TASOR: variants seen among roughly 807,000 people sequenced by gnomAD.
TASOR encodes the protein protein TASOR.
TASOR carries 53 observed loss-of-function variants against 178.6 expected under a neutral mutation model. That is an observed-to-expected ratio of 0.30 (90% CI 0.24 to 0.37). The LOEUF is 0.37. TASOR is among the 10% of genes least tolerant of loss of function. The pLI is 1.00. For synonymous variants in TASOR, 713 were observed against 696.2 expected (o/e 1.02, Z -0.38); for missense variants, 1,815 against 1,971.4 (o/e 0.92, Z 1.50).
chr3:56,677,044 T>C (rs555143927), intron 1 of TASOR, among the ~76,000 whole-genome samples: 100 of 152,356 alleles, frequency 6.6e-4, no homozygotes, highest in Admixed American at 1.8e-3. Flanking sequence ...CCTGCAACTA[T>C]TTTTAAGGAT....
At position 56,653,530 on chromosome 3, in the gene TASOR, C is replaced by G. The variant is rs1372655304; in HGVS notation, c.1369-4473G>C. Among the ~76,000 whole-genome samples the G allele has an allele frequency of 2.0e-5, 3 of 151,666 alleles. No individual in the cohort carries two copies. In the East Asian group the frequency reaches 5.8e-4, roughly 29 times the overall value. On this transcript the variant is annotated intron_variant, in intron 11 of 23. Transcript: ENST00000683822. ...GAACAATTAGACTGAGAGCTAACCCCTAAACAAAAATAGAAGCCATAAGAC... is the reference window on the plus strand; with the variant it reads ...GAACAATTAGACTGAGAGCTAACCCGTAAACAAAAATAGAAGCCATAAGAC...
intron 1 of TASOR, among the ~76,000 whole-genome samples, chr3:56,675,388 G>A (rs2031196110): frequency 6.6e-6 from 1 of 150,572 alleles, no homozygotes; most frequent in Non-Finnish European, 1.5e-5. Context: ...TGTTGGCCAG[G>A]CTGGTCTCGA....
rs1320871657 is a variant in TASOR, at chr3:56,683,227, G to T, written c.-221C>A. The T allele has an allele frequency of 2.1e-6, 1 of 486,626 alleles. No individual in the cohort carries two copies. Among genetic ancestry groups the T allele is most frequent in the Non-Finnish European group, 3.6e-6 (1 of 279,442 alleles). The allele number at this position is 486,626 out of a possible 1,614,324, so 30.1% of individuals were successfully genotyped here. A position where few individuals can be genotyped will look rare whatever the true frequency, so the allele number is the denominator to read the frequency against. The stretch of plus-strand genomic sequence containing the variant: ...GTCCTCGGAGCCGCTCCTCCCTCGG[G>T]CAGTTCTTCTGCCTTCCCCCGCCAC... On this transcript the variant is annotated 5_prime_UTR_variant, in exon 1 of 24. Transcript: ENST00000683822.
At chr3:56,663,436 T>G in intron 8 of TASOR, 105 bp downstream of exon 8, 2 of 661,576 alleles carry the variant, frequency 3.0e-6, no homozygotes, top group South Asian at 6.2e-5. Flanking sequence ...CTTTTCATAC[T>G]TTGCAGATTT....
chr3:56,671,511 T>A, intron 3 of TASOR, 89 bp downstream of exon 3: 1 of 884,894 alleles, frequency 1.1e-6, no homozygotes, highest in South Asian at 1.8e-5. Context: ...AAGTCTGTAA[T>A]TGTAAAGAAT....
At position 56,650,131 on chromosome 3, in the gene TASOR, G is replaced by A. The variant is rs1481434644; in HGVS notation, c.1369-1074C>T. 1.4e-4 allele frequency among the ~76,000 whole-genome samples: 21 copies of A among 152,100 alleles called. 1 individual carries two copies. Among genetic ancestry groups the A allele is most frequent in the Admixed American group, 1.4e-3 (21 of 15,282 alleles). On this transcript the variant is annotated intron_variant, in intron 11 of 23. Coordinates refer to ENST00000683822, the MANE Select transcript of TASOR (RefSeq NM_001365635.2). ...TACTGCAATAGTTCACAATGTTTTG[G>A]GTAAATGAGAAACTGAGCATGGCAA... is the stretch of plus-strand genomic sequence containing the variant.
chr3:56,668,801 G>A (rs1163841286), intron 5 of TASOR, among the ~76,000 whole-genome samples: 1 of 151,892 alleles, frequency 6.6e-6, no homozygotes, highest in Non-Finnish European at 1.5e-5. Context: ...TGGCGAAACC[G>A]TCTCTACTAA....
intron 11 of TASOR, among the ~76,000 whole-genome samples, chr3:56,654,441 G>T (rs1292195646): frequency 2.0e-5 from 3 of 152,116 alleles, no homozygotes; most frequent in Non-Finnish European, 4.4e-5. Context: ...TGCAGGGGTA[G>T]TTTAATATTG....
At position 56,633,350 on chromosome 3, in the gene TASOR, A is replaced by G. The variant is rs578016278; in HGVS notation, c.3441T>C (p.Ser1147=). ...AAGCCGAAGTGGAATGCTGCTCATC[A>G]GAGTTGGTATCTTTCAAAGGATCAC... ...LCSDPLKDTN[S]DEQHSTSALT... Residue 1147 remains serine (S), a synonymous_variant, in exon 18 of 24, where the codon TCT becomes TCC. Coordinates refer to ENST00000683822, the MANE Select transcript of TASOR (RefSeq NM_001365635.2). 2 of 1,614,168 alleles carry G rather than the reference A, an allele frequency of 1.2e-6. No individual in the cohort carries two copies. Among genetic ancestry groups the G allele is most frequent in the African/African-American group, 2.7e-5 (2 of 75,036 alleles).
At chr3:56,662,607 A>G in intron 8 of TASOR, 117 bp from the exon 9 acceptor site, 1 of 172,218 alleles carries the variant, frequency 5.8e-6, no homozygotes, top group African/African-American at 2.5e-5. Flanking sequence ...GTAGGAGGGC[A>G]AAAAAAAAAA....
chr3:56,668,607 C>G (rs2030308198), intron 5 of TASOR, 49 bp from the exon 6 acceptor site: 6 of 1,252,290 alleles, frequency 4.8e-6, no homozygotes, highest in Non-Finnish European at 6.6e-6. Context: ...TAATTGTTGA[C>G]TATATAACAT....
chr3:56,676,359 T>C (rs2031296853), intron 1 of TASOR, among the ~76,000 whole-genome samples: 2 of 152,192 alleles, frequency 1.3e-5, no homozygotes, highest in African/African-American at 2.4e-5. Context: ...GAAACACAAA[T>C]GAAAGCTCAG....
At chr3:56,655,646 G>A (rs906682463) in intron 11 of TASOR, among the ~76,000 whole-genome samples, 1 of 152,000 alleles carries the variant, frequency 6.6e-6, no homozygotes, top group Admixed American at 6.6e-5. Flanking sequence ...AACTAGCTGG[G>A]CATGGTGGTA....
At chr3:56,635,077 G>C (rs997512349) in intron 17 of TASOR, among the ~76,000 whole-genome samples, 1 of 152,148 alleles carries the variant, frequency 6.6e-6, no homozygotes, top group African/African-American at 2.4e-5. Flanking sequence ...CCAGGTACAG[G>C]TAGTTTTCAA....
chr3:56,662,601 G>T (rs1295805777), intron 8 of TASOR, 111 bp from the exon 9 acceptor site: 3 of 502,814 alleles, frequency 6.0e-6, no homozygotes, highest in Non-Finnish European at 1.1e-5. Context: ...GTTTAAGTAG[G>T]AGGGCAAAAA....
Position 56,627,176 on chromosome 3 carries a change from T to C in TASOR, c.4031-31A>G, listed in dbSNP as rs1407376914. On this transcript the variant is annotated intron_variant, in intron 20 of 23. Transcript: ENST00000683822. ...AGAGATAATGAAGTTTGTTTTTAAT[T>C]CAATAAATAATCATTCCATAAGTGA... 15 of 1,256,426 alleles carry C rather than the reference T, an allele frequency of 1.2e-5. No individual in the cohort carries two copies. The Admixed American group carries it at 2.4e-4, about 20-fold the overall frequency. The allele number at this position is 1,256,426 out of a possible 1,614,324, so 77.8% of individuals were successfully genotyped here. A position where few individuals can be genotyped will look rare whatever the true frequency, so the allele number is the denominator to read the frequency against.
At chr3:56,638,801 T>C (rs1267429361) in intron 16 of TASOR, 36 bp from the exon 17 acceptor site, 18 of 1,602,468 alleles carry the variant, frequency 1.1e-5, no homozygotes, top group South Asian at 5.5e-5. Flanking sequence ...TCTTCAGACA[T>C]TAGTGATACC....
chr3:56,676,453 T>C (rs746604751), intron 1 of TASOR, among the ~76,000 whole-genome samples: 115 of 152,176 alleles, frequency 7.6e-4, no homozygotes, highest in Non-Finnish European at 1.0e-3. Context: ...TTTGTGATAA[T>C]TGTCCCCAAT....
intron 11 of TASOR, among the ~76,000 whole-genome samples, chr3:56,650,057 G>C (rs1272156015): frequency 1.3e-5 from 2 of 152,222 alleles, no homozygotes; most frequent in African/African-American, 2.4e-5. Flanking sequence ...TGACAGCACA[G>C]TGCAGGACGC....
Sources: allele counts gnomAD v4.1 joint callset (sites outside exome capture counted in the v4.1 genomes callset), GRCh38; gene constraint gnomAD v4.1.1; transcripts MANE v1.5; gene names NCBI Gene and HGNC (gene_info 2026-07-23, HGNC 2026-07-21).